Variants in DENND1A observed in about 807,000 individuals in gnomAD.
DENND1A encodes the protein DENN domain containing 1A.
Under a neutral mutation model 113.7 loss-of-function variants are expected in DENND1A, and 51 were observed. The observed-to-expected ratio is 0.45, with a 90% confidence interval of 0.36 to 0.57. DENND1A has a LOEUF of 0.57. DENND1A is among the 20% of genes least tolerant of loss of function. The pLI is 0.00. For missense variants in DENND1A, 1,258 were observed against 1,395.9 expected (o/e 0.90, Z 1.57); for synonymous variants, 565 against 570.8 (o/e 0.99, Z 0.14).
chr9:123,670,786 A>G (rs543026683), intron 7 of DENND1A, among the ~76,000 whole-genome samples: 4 of 152,366 alleles, frequency 2.6e-5, no homozygotes, highest in African/African-American at 9.6e-5. Flanking sequence ...AGGTAATCTT[A>G]GCAAAACCTA....
intron 8 of DENND1A, among the ~76,000 whole-genome samples, chr9:123,658,841 T>C (rs186438212): frequency 1.3e-5 from 2 of 152,294 alleles, no homozygotes; most frequent in African/African-American, 4.8e-5. Context: ...AAACGTTCAT[T>C]CAATTAATTA....
chr9:123,813,684 CCAAA>C (rs1837004583), intron 2 of DENND1A, among the ~76,000 whole-genome samples: 1 of 152,022 alleles, frequency 6.6e-6, no homozygotes, highest in South Asian at 2.1e-4. Context: ...CACAAAGAAT[CCAAA>C]CAGATACTGG....
At chr9:123,634,433 A>T (rs1405867816) in intron 9 of DENND1A, among the ~76,000 whole-genome samples, 1 of 152,220 alleles carries the variant, frequency 6.6e-6, no homozygotes, top group African/African-American at 2.4e-5. Flanking sequence ...TACAAGACTT[A>T]CTATATATCT....
intron 1 of DENND1A, among the ~76,000 whole-genome samples, chr9:123,884,475 A>G (rs1369438017): frequency 6.6e-6 from 1 of 152,046 alleles, no homozygotes; most frequent in Non-Finnish European, 1.5e-5. Context: ...TCATTCTCCT[A>G]TAGACTCCTA....
intron 13 of DENND1A, among the ~76,000 whole-genome samples, chr9:123,520,795 T>C (rs2054330316): frequency 6.6e-6 from 1 of 152,238 alleles, no homozygotes; most frequent in African/African-American, 2.4e-5. Flanking sequence ...TACCTGACTC[T>C]GTTCCCACTA....
chr9:123,912,908 C>T (rs895993767), intron 1 of DENND1A, among the ~76,000 whole-genome samples: 3 of 152,052 alleles, frequency 2.0e-5, no homozygotes, highest in Admixed American at 2.0e-4. Flanking sequence ...TAAGGCATTA[C>T]CCCACCCAGC....
intron 2 of DENND1A, among the ~76,000 whole-genome samples, chr9:123,872,317 G>A (rs777865068): frequency 5.9e-5 from 9 of 152,030 alleles, no homozygotes; most frequent in Non-Finnish European, 8.8e-5. Flanking sequence ...TATAACAAGA[G>A]AACTTTGGAA....
intron 1 of DENND1A, among the ~76,000 whole-genome samples, chr9:123,904,733 T>A (rs911447042): frequency 1.3e-5 from 2 of 151,426 alleles, no homozygotes; most frequent in Non-Finnish European, 2.9e-5. Context: ...CTACGCCTGA[T>A]TGGTGTACCT....
intron 13 of DENND1A, among the ~76,000 whole-genome samples, chr9:123,485,245 T>C (rs2050697213): frequency 6.6e-6 from 1 of 152,188 alleles, no homozygotes; most frequent in South Asian, 2.1e-4. Flanking sequence ...CTCGTGATTA[T>C]AAACAAGCTC....
intron 10 of DENND1A, among the ~76,000 whole-genome samples, chr9:123,616,858 T>C (rs1392917830): frequency 6.6e-6 from 1 of 152,208 alleles, no homozygotes; most frequent in East Asian, 1.9e-4. Context: ...GGCAAGAGGA[T>C]AGAATAGATC....
chr9:123,908,706 T>C (rs1374196778), intron 1 of DENND1A, among the ~76,000 whole-genome samples: 1 of 150,800 alleles, frequency 6.6e-6, no homozygotes, highest in African/African-American at 2.4e-5. Flanking sequence ...CAACAGGTGC[T>C]GGAGAGGATG....
chr9:123,879,578 T>C (rs947378438), intron 1 of DENND1A, among the ~76,000 whole-genome samples: 1 of 137,376 alleles, frequency 7.3e-6, no homozygotes, highest in Non-Finnish European at 1.6e-5. Flanking sequence ...ACACACAAAT[T>C]GTCTAGGCAT....
chr9:123,438,389 A>G (rs1277835806), intron 19 of DENND1A, among the ~76,000 whole-genome samples: 1 of 152,210 alleles, frequency 6.6e-6, no homozygotes, highest in Non-Finnish European at 1.5e-5. Flanking sequence ...ACTGATTAAG[A>G]ATGTTCAACC....
intron 5 of DENND1A, among the ~76,000 whole-genome samples, chr9:123,746,294 G>C (rs1283284099): frequency 2.0e-5 from 3 of 151,984 alleles, no homozygotes; most frequent in Admixed American, 6.5e-5. Flanking sequence ...TTCTGCATTA[G>C]TATTGTCCAC....
At chr9:123,404,509 G>A (rs1323655185) in intron 20 of DENND1A, among the ~76,000 whole-genome samples, 1 of 152,102 alleles carries the variant, frequency 6.6e-6, no homozygotes, top group African/African-American at 2.4e-5. Flanking sequence ...CAACTGCTGA[G>A]TTTCCAGGAC....
At chr9:123,428,825 A>G (rs375217556) in intron 19 of DENND1A, among the ~76,000 whole-genome samples, 2 of 152,232 alleles carry the variant, frequency 1.3e-5, no homozygotes, top group African/African-American at 4.8e-5. Context: ...ATAGGAAGAC[A>G]GCTATCAAGG....
chr9:123,786,773 A>C (rs920658512), intron 3 of DENND1A, among the ~76,000 whole-genome samples: 1 of 152,218 alleles, frequency 6.6e-6, no homozygotes, highest in Non-Finnish European at 1.5e-5. Flanking sequence ...CCTTTGGATG[A>C]GAGTCAAATG....
chr9:123,535,007 A>T (rs1020628252), intron 13 of DENND1A, among the ~76,000 whole-genome samples: 1 of 152,172 alleles, frequency 6.6e-6, no homozygotes, highest in African/African-American at 2.4e-5. Context: ...CCAAGAACCC[A>T]GAAGACATCC....
chr9:123,757,743 G>T lies in DENND1A; in HGVS notation c.262C>A (p.Arg88Ser), dbSNP rs781741061. 7.4e-6 allele frequency: 12 copies of T among 1,613,986 alleles called. No individual in the cohort carries two copies. Among genetic ancestry groups the T allele is most frequent in the Non-Finnish European group, 1.0e-5 (12 of 1,179,980 alleles). ...CAGCTCTTCGCTCCTGAAGATAAGC[G>T]GCAGAACCCGAATCTCTGTTTGCTG... The part of the protein sequence containing the change: ...IDSKQRFGFC[R>S]LSSGAKSCFC... Residue 88 changes from arginine to serine, a missense_variant, in exon 5 of 24, where the codon CGC becomes AGC. Physicochemically the swap from Arg to Ser is moderately radical, Grantham distance 110 (BLOSUM62 -1). Around this residue, in one of 2 missense-constraint regions of DENND1A, gnomAD observed 99 missense variants for 164.2 expected, o/e 0.60. Coordinates refer to ENST00000394215, the MANE Select transcript of DENND1A (RefSeq NM_001352964.2).
Sources: gnomAD v4.1 joint callset for allele counts (sites outside exome capture counted in the v4.1 genomes callset) on GRCh38, gnomAD v4.1.1 for gene constraint, gnomAD v4.1.1 regional missense constraint, MANE v1.5 for transcripts, NCBI Gene and HGNC (gene_info 2026-07-23, HGNC 2026-07-21) for gene names.